The following PABPN1L variants were observed in gnomAD, a reference collection of about 807,000 sequenced individuals.
PABPN1L encodes the protein PABPN1 like, cytoplasmic.
In PABPN1L, 45 loss-of-function variants were observed where a neutral mutation model predicts 34.0. That is an observed-to-expected ratio of 1.32 (90% confidence interval 1.04 to 1.70). The LOEUF (loss-of-function observed/expected upper bound fraction) is 1.70, where lower values mean the gene tolerates loss of function less well. PABPN1L is among the 40% of genes most tolerant of loss of function. The pLI is 0.00. For missense variants in PABPN1L, 459 were observed against 367.8 expected, an observed-to-expected ratio of 1.25 and a Z score of -2.03; for synonymous variants, 182 against 152.1, an observed-to-expected ratio of 1.20 and a Z score of -1.45.
chr16:88,868,544 T>TCC (rs1968643380), upstream of PABPN1L, among the ~76,000 whole-genome samples: 1 of 152,026 alleles, frequency 6.6e-6, no homozygotes, highest in African/African-American at 2.4e-5. Flanking sequence ...AGGCAGAGGT[T>TCC]GCAGTGAGCC....
chr16:88,866,719 T>G (rs1968613288), upstream of PABPN1L: 1 of 1,382,954 alleles, frequency 7.2e-7, no homozygotes, highest in Non-Finnish European at 9.5e-7. Context: ...GGCCAGCTGC[T>G]CCCACTAGAG....
At chr16:88,866,803 A>G (rs1285953628), upstream of PABPN1L, 3 of 714,238 alleles carry the variant, frequency 4.2e-6, no homozygotes, top group South Asian at 4.3e-5. Context: ...TCACTCGGAC[A>G]GGTACCTCCA....
chr16:88,865,299 C>G (rs1340362461), intron 3 of PABPN1L, among the ~76,000 whole-genome samples, 171 bp from the exon 4 acceptor site: 6 of 151,326 alleles, frequency 4.0e-5, no homozygotes, highest in African/African-American at 1.2e-4. Context: ...AAGGATATCT[C>G]GTATGGAGCG....
At chr16:88,865,998 G>T in intron 1 of PABPN1L, 57 bp from the exon 2 acceptor site, 1 of 1,512,940 alleles carries the variant, frequency 6.6e-7, no homozygotes, top group Non-Finnish European at 8.8e-7. Context: ...CTCAAGGAAG[G>T]TGGGTGTGTG....
chr16:88,864,912 C>T (rs1968550920), exon 5 of PABPN1L: 1 of 1,529,188 alleles, frequency 6.5e-7, no homozygotes, highest in Non-Finnish European at 8.9e-7. Flanking sequence ...TGCACGGAGC[C>T]CTTGGTGGCA....
rs1271649469 is a variant in PABPN1L at position 88,866,585 on chromosome 16, A to C, written c.22T>G (p.Ser8Ala). Reference sequence around the variant, plus strand: ...GCCTGAGTCGGGGGTGGGAAGAGAGAGCGGCTCGGGAAGGGCCACATGGTA... The same window carrying C: ...GCCTGAGTCGGGGGTGGGAAGAGAGCGCGGCTCGGGAAGGGCCACATGGTA... Residue 8 changes from serine to alanine, a missense_variant, in exon 1 of 7, where the codon TCT becomes GCT. Ser to Ala is a moderately conservative substitution (Grantham distance 99, BLOSUM62 1). Coordinates refer to ENST00000419291, the Ensembl canonical transcript of PABPN1L. 4.5e-6 allele frequency: 7 copies of C among 1,551,212 alleles called. No homozygotes were observed. In the African/African-American group the frequency reaches 5.5e-5, roughly 12 times the overall value.
upstream of PABPN1L, among the ~76,000 whole-genome samples, chr16:88,866,926 A>G (rs1397020966): frequency 6.6e-6 from 1 of 152,224 alleles, no homozygotes; most frequent in Non-Finnish European, 1.5e-5. Flanking sequence ...GACAGGGTTC[A>G]CACCTCAGCA....
At chr16:88,864,999 C>T (rs1968555493) in intron 4 of PABPN1L, 23 bp downstream of exon 4, 3 of 1,598,456 alleles carry the variant, frequency 1.9e-6, no homozygotes, top group Non-Finnish European at 1.7e-6. Context: ...ATGGCCAGTG[C>T]CCCCACCAGG....
At chr16:88,863,686 C>G (rs1175326822) in exon 7 of PABPN1L, 1 of 1,509,644 alleles carries the variant, frequency 6.6e-7, no homozygotes, top group Non-Finnish European at 8.9e-7. Flanking sequence ...TGCCCCAGCC[C>G]CAGGATGGAG....
chr16:88,865,564 T>C (rs1968570946), exon 3 of PABPN1L: 1 of 1,611,422 alleles, frequency 6.2e-7, no homozygotes. Context: ...ACCACTCACG[T>C]TGCCCACGTA....
chr16:88,864,421 C>G (rs747778822), intron 5 of PABPN1L, 42 bp from the exon 6 acceptor site: 4 of 1,529,168 alleles, frequency 2.6e-6, no homozygotes, highest in African/African-American at 1.4e-5. Context: ...AAGGAGCAGC[C>G]GAGACCCAGC....
exon 1 of PABPN1L, chr16:88,866,567 T>A (rs1345614919): frequency 6.4e-7 from 1 of 1,553,190 alleles, no homozygotes; most frequent in Non-Finnish European, 8.7e-7. Flanking sequence ...CAGGCCTGAG[T>A]CGGGGGTGGG....
chr16:88,863,610 G>A (rs1028028541), exon 7 of PABPN1L: 27 of 1,057,356 alleles, frequency 2.6e-5, no homozygotes, highest in East Asian at 2.1e-4. Flanking sequence ...CCATCCCCCC[G>A]CCAAGAGGGG....
exon 6 of PABPN1L, chr16:88,864,289 G>A: frequency 1.9e-6 from 3 of 1,556,384 alleles, no homozygotes; most frequent in Non-Finnish European, 1.7e-6. Context: ...CCGCTGTGGG[G>A]GAAGGGTGCC....
At chr16:88,868,856 C>G (rs145269309), upstream of PABPN1L, among the ~76,000 whole-genome samples, 19 of 152,302 alleles carry the variant, frequency 1.2e-4, no homozygotes, top group East Asian at 3.7e-3. Flanking sequence ...AAAACTGCCA[C>G]AGGGAATAGG....
chr16:88,865,552 C>T lies in PABPN1L; in HGVS notation c.459+11G>A, dbSNP rs1427749621. On this transcript the variant is annotated intron_variant, in intron 3 of 6. Coordinates refer to ENST00000419291, the Ensembl canonical transcript of PABPN1L. ...TTCGCTGCCTGCCCCTTCACCCCGC[C>T]CACCACTCACGTTGCCCACGTAGAC... is the stretch of plus-strand genomic sequence containing the variant. The T allele has an allele frequency of 1.9e-6, 3 of 1,610,524 alleles. No homozygotes were observed. The highest frequency in any genetic ancestry group is 1.7e-5 in the Admixed American group (1 of 59,750).
exon 1 of PABPN1L, chr16:88,866,590 C>T (rs1968606252): frequency 3.2e-6 from 5 of 1,549,528 alleles, no homozygotes; most frequent in Non-Finnish European, 3.5e-6. Flanking sequence ...GAGAGAGCGG[C>T]TCGGGAAGGG....
chr16:88,866,081 G>T (rs1029861084), intron 1 of PABPN1L, 140 bp from the exon 2 acceptor site: 62 of 1,364,604 alleles, frequency 4.5e-5, no homozygotes, highest in Admixed American at 5.6e-5. Flanking sequence ...TCCTTCCTGG[G>T]GCAGCTGGCT....
chr16:88,864,438 C>G, intron 5 of PABPN1L, 59 bp from the exon 6 acceptor site: 1 of 1,493,858 alleles, frequency 6.7e-7, no homozygotes, highest in Non-Finnish European at 8.9e-7. Flanking sequence ...CAGCTCACAG[C>G]CCCCGCAGCC....
Sources: gnomAD v4.1 joint callset for allele counts (sites outside exome capture counted in the v4.1 genomes callset) on GRCh38, gnomAD v4.1.1 for gene constraint, MANE v1.5 for transcripts, NCBI Gene and HGNC (gene_info 2026-07-23, HGNC 2026-07-21) for gene names.